The following BTF3 variants were observed in gnomAD, a reference collection of about 807,000 sequenced individuals.
BTF3 encodes the protein transcription factor BTF3.
A neutral mutation model predicts 23.9 loss-of-function variants in BTF3; 12 were observed. That is an observed-to-expected ratio of 0.50 (90% CI 0.32 to 0.81). The LOEUF (loss-of-function observed/expected upper bound fraction) is 0.81. Ranked by LOEUF, BTF3 falls within the 40% of genes least tolerant of loss-of-function variation. BTF3 has a pLI of 0.03. For missense variants in BTF3, 215 were observed against 255.9 expected, an observed-to-expected ratio of 0.84 and a Z score of 1.09; for synonymous variants, 96 against 94.8, an observed-to-expected ratio of 1.01 and a Z score of -0.07.
intron 4 of BTF3, 67 bp from the exon 5 acceptor site, chr5:73,504,280 T>TTTTTTTTTTTTTTTTTTTTTTTTTTA: frequency 1.5e-6 from 1 of 681,218 alleles, no homozygotes; most frequent in Non-Finnish European, 2.2e-6. Flanking sequence ...TTTTTTTTTT[T>TTTTTTTTTTTTTTTTTTTTTTTTTTA]TTTTTTTTTT....
chr5:73,505,145 T>G (rs1468793328), intron 5 of BTF3, 47 bp from the exon 6 acceptor site: 3 of 1,462,744 alleles, frequency 2.1e-6, no homozygotes, highest in South Asian at 2.3e-5. Context: ...GATAATTATT[T>G]GTAGATTTGG....
At position 73,503,121 on chromosome 5, in the gene BTF3, A is replaced by C; in HGVS notation, c.517+4A>C. On this transcript the variant is annotated splice_donor_region_variant and intron_variant, in intron 4 of 5. Coordinates refer to ENST00000380591, the MANE Select transcript of BTF3 (RefSeq NM_001037637.2). ...GCCGAAGCTCTGCCCAAACAATGTG[A>C]GTTTCCTAGTAATGGTTTTACCAGG... The C allele has an allele frequency of 6.2e-7, 1 of 1,612,212 alleles. No homozygotes were observed. Among genetic ancestry groups the C allele is most frequent in the Non-Finnish European group, 8.5e-7 (1 of 1,178,818 alleles).
chr5:73,500,786 T>C (rs187934337), intron 2 of BTF3, among the ~76,000 whole-genome samples: 8 of 152,230 alleles, frequency 5.3e-5, no homozygotes, highest in Admixed American at 6.5e-5. Context: ...ATGAAACCTC[T>C]AGAAAGTATG....
At chr5:73,501,167 G>A (rs938114932) in intron 2 of BTF3, among the ~76,000 whole-genome samples, 2 of 152,108 alleles carry the variant, frequency 1.3e-5, no homozygotes, top group African/African-American at 4.8e-5. Flanking sequence ...GGAATGATTT[G>A]GCATAGGGAA....
At chr5:73,501,296 A>G (rs184804037) in intron 2 of BTF3, among the ~76,000 whole-genome samples, 5 of 152,312 alleles carry the variant, frequency 3.3e-5, no homozygotes, top group African/African-American at 1.2e-4. Flanking sequence ...TGGGTGTGAT[A>G]GACTTTCCTT....
intron 2 of BTF3, among the ~76,000 whole-genome samples, chr5:73,501,794 A>G (rs1169134581): frequency 1.3e-5 from 2 of 152,224 alleles, no homozygotes; most frequent in African/African-American, 2.4e-5. Context: ...ATAGAAGTCT[A>G]TATACAGATT....
At chr5:73,499,298 AAACTTTGCCTATCGAGGG>A in intron 2 of BTF3, 96 bp downstream of exon 2, 1 of 1,348,434 alleles carries the variant, frequency 7.4e-7, no homozygotes, top group Non-Finnish European at 1.0e-6. Flanking sequence ...TATCGGTGAC[AAACTTTGCCTATCGAGGG>A]AAATTCACGG....
chr5:73,504,990 C>T (rs1580359673), intron 5 of BTF3, among the ~76,000 whole-genome samples: 3 of 134,658 alleles, frequency 2.2e-5, no homozygotes, highest in East Asian at 2.9e-4. Flanking sequence ...TTCTGCTCCC[C>T]CACTATTGAC....
In BTF3 at chr5:73,498,485, C is replaced by A. The variant is rs1231616908; in HGVS notation, c.-183C>A. The A allele has an allele frequency of 1.3e-6, 1 of 797,858 alleles. No individual in the cohort carries two copies. Among genetic ancestry groups the A allele is most frequent in the Non-Finnish European group, 1.8e-6 (1 of 564,958 alleles). 49.4% of individuals were successfully genotyped at this position (797,858 alleles called of 1,614,324 possible). The stretch of plus-strand genomic sequence containing the variant: ...GCGTCCCCGCGTGTGTGCGCCTAAT[C>A]TCAGGTGGTCCACCCGAGACCCCTT... On this transcript the variant is annotated 5_prime_UTR_variant, in exon 1 of 6. Transcript: ENST00000380591.
In BTF3 at chr5:73,504,267, C is replaced by CTTTTTTTTTTTT. The variant is rs34051700; in HGVS notation, c.518-66_518-55dup. The CTTTTTTTTTTTT allele has an allele frequency of 1.1e-3, 135 of 125,366 alleles. 21 individuals carry two copies. Among genetic ancestry groups the CTTTTTTTTTTTT allele is most frequent in the African/African-American group, 1.8e-3 (32 of 17,348 alleles). The allele number at this position is 125,366 out of a possible 1,614,324, so 7.8% of individuals were successfully genotyped here. On this transcript the variant is annotated intron_variant, in intron 4 of 5. Transcript: ENST00000380591. ...AACAACACTTGGCATTTCATCTGTT[C>CTTTTTTTTTTTT]TTTTTTTTTTTTTTTTTTTTTTTTT...
chr5:73,503,307 T>G (rs1238101999), intron 4 of BTF3, among the ~76,000 whole-genome samples, 190 bp downstream of exon 4: 1 of 152,252 alleles, frequency 6.6e-6, no homozygotes, highest in Non-Finnish European at 1.5e-5. Flanking sequence ...GTGCCATGAT[T>G]GTTACACTTG....
chr5:73,504,757 A>G (rs981313130), intron 5 of BTF3: 2 of 212,118 alleles, frequency 9.4e-6, no homozygotes, highest in Admixed American at 1.1e-4. Context: ...TTGTTCAGGT[A>G]TCTTGGGATA....
Position 73,505,200 on chromosome 5 carries a change from G to T in BTF3, c.583G>T (p.Glu195Ter). ...DDDDEVPDLV[E>*]NFDEASKNEA... ...TCTTTTCCTTTTCCTAGATCTTGTG[G>T]AGAATTTTGATGAGGCTTCCAAGAA... Residue 195 changes from glutamate (E) to a stop codon, truncating the protein, a stop_gained, in exon 6 of 6, where the codon GAG (glutamate) becomes TAG (stop). Coordinates refer to ENST00000380591, the MANE Select transcript of BTF3 (RefSeq NM_001037637.2). LOFTEE classifies it high-confidence loss of function. 6.2e-7 allele frequency: 1 copy of T among 1,609,612 alleles called. No homozygotes were observed. Among genetic ancestry groups the T allele is most frequent in the Non-Finnish European group, 8.5e-7 (1 of 1,179,140 alleles).
At position 73,502,604 on chromosome 5, in the gene BTF3, A is replaced by C; in HGVS notation, c.315+3A>C. 2 of 1,578,694 alleles carry C rather than the reference A, an allele frequency of 1.3e-6. No individual in the cohort carries two copies. The highest frequency in any genetic ancestry group is 1.7e-6 in the Non-Finnish European group (2 of 1,167,312). On this transcript the variant is annotated splice_donor_region_variant and intron_variant, in intron 3 of 5. Coordinates refer to ENST00000380591, the MANE Select transcript of BTF3 (RefSeq NM_001037637.2). ...ACAATATCTCTGGTATTGAAGAGGC[A>C]AGTATCAAATTTTGTTACTTTAAAA...
At chr5:73,499,264 A>G (rs73103660) in intron 2 of BTF3, 62 bp downstream of exon 2, 2 of 1,542,790 alleles carry the variant, frequency 1.3e-6, no homozygotes, top group Non-Finnish European at 1.8e-6. Flanking sequence ...TTTAAAAAAC[A>G]TATTCCTTTT....
rs1415192584 is a variant in BTF3 at position 73,498,704 on chromosome 5, C to T, written c.37C>T (p.Arg13Trp). 22 of 1,496,160 alleles carry T rather than the reference C, an allele frequency of 1.5e-5. No individual in the cohort carries two copies. Among genetic ancestry groups the T allele is most frequent in the East Asian group, 7.9e-5 (3 of 37,752 alleles). The allele number at this position is 1,496,160 out of a possible 1,614,324, so 92.7% of individuals were successfully genotyped here. Residue 13 changes from arginine to tryptophan, a missense_variant, in exon 1 of 6, where the codon CGG (arginine) becomes TGG (tryptophan). Physicochemically the swap from Arg to Trp is moderately radical, Grantham distance 101. This residue lies in a region of BTF3 where 116 missense variants were observed against 84.7 expected (regional missense o/e 1.37). Transcript: ENST00000380591. ...RTGAPAQADS[R>W]GRGRARGGCP... ...AGGCGCACCCGCTCAGGCTGACTCT[C>T]GGGGGCGAGGTCGAGCCAGGGGCGG... is the stretch of plus-strand genomic sequence containing the variant.
At chr5:73,504,909 C>A in intron 5 of BTF3, 1 of 312,610 alleles carries the variant, frequency 3.2e-6, no homozygotes. Flanking sequence ...ATAAATATTC[C>A]CACTTTGCAT....
At position 73,505,648 on chromosome 5, in the gene BTF3, A is replaced by G. The variant is rs7710604; in HGVS notation, c.*410A>G. ...CGGTGTAGTGTAACAAAGGTGGTAT[A>G]AAGTTCTCAGGTTTGAAAACTTTGC... is the stretch of plus-strand genomic sequence containing the variant. On this transcript the variant is annotated 3_prime_UTR_variant, in exon 6 of 6. Transcript: ENST00000380591. 6.7e-3 allele frequency: 1,039 copies of G among 156,020 alleles called. 7 individuals carry two copies. The highest frequency in any genetic ancestry group is 0.022 in the African/African-American group (933 of 41,606). The allele number at this position is 156,020 out of a possible 1,614,324, so 9.7% of individuals were successfully genotyped here.
At chr5:73,503,225 C>A in intron 4 of BTF3, 108 bp downstream of exon 4, 2 of 1,158,308 alleles carry the variant, frequency 1.7e-6, no homozygotes, top group Non-Finnish European at 2.4e-6. Context: ...GAAATGCAAG[C>A]TTTAAAAATA....
Sources: gnomAD v4.1 joint callset for allele counts (sites outside exome capture counted in the v4.1 genomes callset) on GRCh38, gnomAD v4.1.1 for gene constraint, gnomAD v4.1.1 regional missense constraint, MANE v1.5 for transcripts, NCBI Gene and HGNC (gene_info 2026-07-23, HGNC 2026-07-21) for gene names.